The following ARHGAP23 variants were observed in gnomAD, a reference collection of about 807,000 sequenced individuals.
The protein encoded by ARHGAP23 is Rho GTPase activating protein 23.
In ARHGAP23, 34 loss-of-function variants were observed where a neutral mutation model predicts 136.3. That is an observed-to-expected ratio of 0.25 (90% CI 0.19 to 0.33). ARHGAP23 has a LOEUF of 0.33. Among genes scored for constraint, ARHGAP23 ranks in the 10% least tolerant of loss-of-function variants. The pLI is 1.00. For synonymous variants in ARHGAP23, 832 were observed against 920.5 expected (o/e 0.90, Z 1.74); for missense variants, 1,808 against 2,139.0 (o/e 0.85, Z 3.05).
intron 3 of ARHGAP23, among the ~76,000 whole-genome samples, chr17:38,461,369 A>AT (rs2144621533): frequency 6.6e-6 from 1 of 152,252 alleles, no homozygotes; most frequent in South Asian, 2.1e-4. Context: ...GAAGTCAGGG[A>AT]TCCCCCAAGG....
chr17:38,471,439 C>G (rs2039754899), intron 10 of ARHGAP23, among the ~76,000 whole-genome samples: 1 of 152,250 alleles, frequency 6.6e-6, no homozygotes, highest in African/African-American at 2.4e-5. Flanking sequence ...TTGAGACTGT[C>G]ACTTCCTCTG....
rs764804207 is a variant in ARHGAP23 at position 38,491,439 on chromosome 17, G to A, written c.3183G>A (p.Gly1061=). ...CCCGGAACCTGGCCCTGGTCTTTGG[G>A]CCGACACTGGTGAGGACGTCTGAGG... ...MEPRNLALVF[G]PTLVRTSEDN... is the part of the protein sequence containing the mutation. The change falls in exon 20 of 24, where the codon GGG becomes GGA. Residue 1061 remains glycine (G), a synonymous_variant. Coordinates refer to ENST00000622683, the MANE Select transcript of ARHGAP23 (RefSeq NM_001199417.2). 41 of 1,549,594 alleles carry A rather than the reference G, an allele frequency of 2.6e-5. 1 individual carries two copies. The South Asian group carries it at 4.6e-4, about 18-fold the overall frequency.
chr17:38,500,415 C>T (rs1049831408), intron 22 of ARHGAP23, 182 bp from the exon 23 acceptor site: 14 of 601,826 alleles, frequency 2.3e-5, no homozygotes, highest in Admixed American at 6.0e-5. Flanking sequence ...TCATTTTCTC[C>T]TCCATCCCTC....
At chr17:38,509,676 G>C (rs957808486) in intron 23 of ARHGAP23, among the ~76,000 whole-genome samples, 2 of 152,106 alleles carry the variant, frequency 1.3e-5, no homozygotes, top group African/African-American at 4.8e-5. Context: ...GGCTGGATAC[G>C]GAAAACAGAA....
At chr17:38,426,529 A>C (rs2038571246), upstream of ARHGAP23, among the ~76,000 whole-genome samples, 1 of 138,692 alleles carries the variant, frequency 7.2e-6, no homozygotes, top group Non-Finnish European at 1.5e-5. Context: ...CAGCCTGGGC[A>C]AAAAGAGTGA....
At chr17:38,444,702 A>C (rs2038992567) in intron 1 of ARHGAP23, among the ~76,000 whole-genome samples, 4 of 152,094 alleles carry the variant, frequency 2.6e-5, no homozygotes. Flanking sequence ...GCAGTGGAGA[A>C]GGGACGGCAG....
At chr17:38,431,074 T>C (rs1210755458) in intron 1 of ARHGAP23, among the ~76,000 whole-genome samples, 2 of 152,146 alleles carry the variant, frequency 1.3e-5, no homozygotes, top group Non-Finnish European at 2.9e-5. Context: ...AGGGTAGGAA[T>C]GTGGCAGTCT....
At chr17:38,449,947 C>G (rs575598665) in intron 1 of ARHGAP23, among the ~76,000 whole-genome samples, 2 of 152,304 alleles carry the variant, frequency 1.3e-5, no homozygotes, top group East Asian at 3.9e-4. Flanking sequence ...ATCTCTGACC[C>G]TTGGGACTCA....
At chr17:38,490,306 TC>T in intron 18 of ARHGAP23, 131 bp downstream of exon 18, 1 of 1,148,466 alleles carries the variant, frequency 8.7e-7, no homozygotes, top group East Asian at 2.6e-5. Flanking sequence ...ACTCAGGGCC[TC>T]AGTTTCCCCG....
intron 11 of ARHGAP23, among the ~76,000 whole-genome samples, chr17:38,472,712 C>A (rs2039791589): frequency 1.3e-5 from 2 of 152,150 alleles, no homozygotes; most frequent in African/African-American, 4.8e-5. Context: ...CACTGCCTTC[C>A]CTCCTGGCGA....
At chr17:38,423,843 G>A (rs1223246362), upstream of ARHGAP23, among the ~76,000 whole-genome samples, 1 of 152,168 alleles carries the variant, frequency 6.6e-6, no homozygotes, top group Non-Finnish European at 1.5e-5. Flanking sequence ...TCCACCAGGG[G>A]ATGCTCTTTC....
rs1467356604 is a variant in ARHGAP23, at chr17:38,510,299, G to T, written c.3803G>T (p.Arg1268Leu). ...RSVCSGASGR[R>L]AGAGDEADDE... ...GTGTGCTCGGGCGCTAGCGGTCGGC[G>T]GGCAGGGGCGGGGGATGAGGCGGAC... The change falls in exon 24 of 24, where the codon CGG (arginine) becomes CTG (leucine). Residue 1268 changes from arginine (R) to leucine (L), a missense_variant. Physicochemically the swap from Arg to Leu is moderately radical, Grantham distance 102. Coordinates refer to ENST00000622683, the MANE Select transcript of ARHGAP23 (RefSeq NM_001199417.2). The surrounding 1 kb of genome is among the most constrained non-coding windows in gnomAD (Gnocchi z 4.6). The T allele has an allele frequency of 7.0e-6, 9 of 1,282,078 alleles. No individual in the cohort carries two copies. The Admixed American group carries it at 3.1e-4, about 44-fold the overall frequency. 79.4% of individuals were successfully genotyped at this position (1,282,078 alleles called of 1,614,324 possible). A position where few individuals can be genotyped will look rare whatever the true frequency, so the allele number is the denominator to read the frequency against.
At chr17:38,472,101 A>T (rs1253152535) in intron 11 of ARHGAP23, 95 bp downstream of exon 11, 2 of 1,291,940 alleles carry the variant, frequency 1.5e-6, no homozygotes, top group African/African-American at 3.0e-5. Context: ...GCCAGAGAGA[A>T]CCAGTGTAGG....
chr17:38,465,854 G>A (rs1451171622), intron 6 of ARHGAP23, among the ~76,000 whole-genome samples: 2 of 152,150 alleles, frequency 1.3e-5, no homozygotes, highest in East Asian at 3.9e-4. Context: ...GGCGGTGGAG[G>A]CCAGGACTGG....
chr17:38,507,225 G>C (rs576512859), intron 23 of ARHGAP23, among the ~76,000 whole-genome samples: 15 of 151,480 alleles, frequency 9.9e-5, no homozygotes, highest in Non-Finnish European at 1.9e-4. Flanking sequence ...AGTGAACCGA[G>C]ATTGCGCCAC....
intron 1 of ARHGAP23, among the ~76,000 whole-genome samples, chr17:38,436,447 C>T (rs745547208): frequency 1.6e-4 from 24 of 152,142 alleles, no homozygotes; most frequent in Non-Finnish European, 3.1e-4. Context: ...TAATTTCAGC[C>T]GGGGGCAGGA....
chr17:38,424,726 T>C (rs9899877), upstream of ARHGAP23, among the ~76,000 whole-genome samples: 81,529 of 152,072 alleles, frequency 0.54, 23,519 homozygotes, highest in African/African-American at 0.76. Context: ...GTATAGACCC[T>C]GGAGCCCAAA....
chr17:38,462,780 T>C (rs2039491852), intron 3 of ARHGAP23, 66 bp from the exon 4 acceptor site: 2 of 1,109,272 alleles, frequency 1.8e-6, no homozygotes, highest in African/African-American at 1.6e-5. Context: ...GTCCCCTGTG[T>C]GTGTAGCTGT....
chr17:38,457,730 A>G (rs750173114), intron 1 of ARHGAP23: 11 of 334,586 alleles, frequency 3.3e-5, no homozygotes, highest in Non-Finnish European at 6.1e-5. Flanking sequence ...ATGAGCTAAG[A>G]CAACGACAGG....
Sources: allele counts gnomAD v4.1 joint callset (sites outside exome capture counted in the v4.1 genomes callset), GRCh38; gene constraint gnomAD v4.1.1; non-coding constraint Gnocchi (gnomAD v3.1); transcripts MANE v1.5; gene names NCBI Gene and HGNC (gene_info 2026-07-23, HGNC 2026-07-21).